Variants in GTF2IRD1 observed in about 807,000 individuals in gnomAD.
GTF2IRD1 encodes general transcription factor II-I repeat domain-containing protein 1.
In GTF2IRD1, 26 loss-of-function variants were observed where a neutral mutation model predicts 113.2. That is an observed-to-expected ratio of 0.23 (90% CI 0.17 to 0.32). GTF2IRD1 has a LOEUF of 0.32. Ranked by LOEUF, GTF2IRD1 falls within the 10% of genes least tolerant of loss-of-function variation. GTF2IRD1 has a pLI of 1.00. For synonymous variants in GTF2IRD1, 484 were observed against 529.1 expected (o/e 0.91, Z 1.17); for missense variants, 864 against 1,280.8 (o/e 0.67, Z 4.97).
At chr7:74,568,415 C>A (rs1198271852) in intron 22 of GTF2IRD1, among the ~76,000 whole-genome samples, 1 of 150,544 alleles carries the variant, frequency 6.6e-6, no homozygotes, top group Non-Finnish European at 1.5e-5. Flanking sequence ...TTGGGAGGCC[C>A]AGGCGGGCAG....
At chr7:74,472,045 A>G (rs1554332543) in intron 1 of GTF2IRD1, among the ~76,000 whole-genome samples, 1 of 152,218 alleles carries the variant, frequency 6.6e-6, no homozygotes, top group East Asian at 1.9e-4. Context: ...TGTATGTCAG[A>G]AAGAATGAAT....
At chr7:74,589,552 C>T (rs1801929133) in intron 22 of GTF2IRD1, among the ~76,000 whole-genome samples, 1 of 151,480 alleles carries the variant, frequency 6.6e-6, no homozygotes, top group Non-Finnish European at 1.5e-5. Flanking sequence ...CAAAAATTAG[C>T]TGGGCATGGT....
intron 1 of GTF2IRD1, among the ~76,000 whole-genome samples, chr7:74,484,933 T>C (rs1191161358): frequency 6.6e-6 from 1 of 152,154 alleles, no homozygotes; most frequent in Non-Finnish European, 1.5e-5. Context: ...ATTAACAACA[T>C]TGCTGTAATG....
intron 21 of GTF2IRD1, 93 bp from the exon 22 acceptor site, chr7:74,559,534 T>C (rs1799817690): frequency 4.4e-6 from 5 of 1,126,994 alleles, no homozygotes; most frequent in Admixed American, 2.3e-5. Context: ...TCTGGGGTGC[T>C]CCCAGGGGAG....
rs1254082564 is a variant in GTF2IRD1 at position 74,512,123 on chromosome 7, G to A, written c.124-707G>A. On this transcript the variant is annotated intron_variant, in intron 2 of 26. Coordinates refer to ENST00000424337, the MANE Select transcript of GTF2IRD1 (RefSeq NM_005685.4). This position sits in a 1 kb window ranked among gnomAD's most constrained non-coding sequence, Gnocchi z 4.4. ...TCCCAGCACTTTGGGAGGCTGAGAC[G>A]GGCAGATCACCTGAGGTCAGGAGTT... 2.0e-5 allele frequency among the ~76,000 whole-genome samples: 3 copies of A among 152,092 alleles called. No homozygotes were observed. The highest frequency in any genetic ancestry group is 4.4e-5 in the Non-Finnish European group (3 of 68,004).
chr7:74,478,418 C>G (rs1260444273), intron 1 of GTF2IRD1, among the ~76,000 whole-genome samples: 3 of 152,160 alleles, frequency 2.0e-5, no homozygotes, highest in African/African-American at 7.2e-5. Context: ...TACCATCACC[C>G]TTTTGCTCAG....
intron 22 of GTF2IRD1, among the ~76,000 whole-genome samples, chr7:74,572,823 T>G (rs1800773589): frequency 6.6e-6 from 1 of 152,140 alleles, no homozygotes; most frequent in African/African-American, 2.4e-5. Flanking sequence ...CTTTGTTAAT[T>G]AGGGTTCAGT....
chr7:74,526,239 T>A (rs587621594), intron 8 of GTF2IRD1, among the ~76,000 whole-genome samples: 1 of 152,352 alleles, frequency 6.6e-6, no homozygotes, highest in African/African-American at 2.4e-5. Flanking sequence ...TGTCAGTTCC[T>A]GAGTCACATC....
At chr7:74,526,323 G>C (rs918914624) in intron 8 of GTF2IRD1, among the ~76,000 whole-genome samples, 2 of 152,180 alleles carry the variant, frequency 1.3e-5, no homozygotes, top group Non-Finnish European at 2.9e-5. Flanking sequence ...GGAGCTGCGT[G>C]GGGGAGAAGG....
intron 1 of GTF2IRD1, among the ~76,000 whole-genome samples, chr7:74,488,748 A>G (rs536477879): frequency 1.5e-4 from 23 of 152,262 alleles, no homozygotes; most frequent in African/African-American, 5.3e-4. Flanking sequence ...CCTGGGTGAC[A>G]GAAGAAAAAA....
chr7:74,589,788 AAGC>A, intron 22 of GTF2IRD1, 60 bp from the exon 23 acceptor site: 1 of 966,968 alleles, frequency 1.0e-6, no homozygotes, highest in South Asian at 1.3e-5. Flanking sequence ...CTGGTGGGAG[AAGC>A]AGCAGGTCCA....
chr7:74,545,312 G>A (rs1264107033), intron 15 of GTF2IRD1, among the ~76,000 whole-genome samples: 3 of 152,052 alleles, frequency 2.0e-5, no homozygotes, highest in Admixed American at 6.6e-5. Flanking sequence ...GAGTGTCAGA[G>A]GAGAGAATTG....
At chr7:74,475,497 G>C (rs1794348658) in intron 1 of GTF2IRD1, among the ~76,000 whole-genome samples, 1 of 152,170 alleles carries the variant, frequency 6.6e-6, no homozygotes, top group African/African-American at 2.4e-5. Flanking sequence ...TGAGACTACA[G>C]GGTTTTGGTG....
chr7:74,569,731 G>GC (rs1800576176), intron 22 of GTF2IRD1, among the ~76,000 whole-genome samples: 2 of 152,210 alleles, frequency 1.3e-5, no homozygotes, highest in Admixed American at 1.3e-4. Flanking sequence ...GGGCAGCTGG[G>GC]CCCCACGATG....
Position 74,504,751 on chromosome 7 carries a change from AGGCTGGAATGCAGT to A in GTF2IRD1, c.-6-3320_-6-3307del, listed in dbSNP as rs574764455. 2.8e-4 allele frequency among the ~76,000 whole-genome samples: 39 copies of A among 140,650 alleles called. 1 individual carries two copies. The South Asian group carries it at 8.1e-3, about 29-fold the overall frequency. 92.3% of individuals were successfully genotyped at this position (140,650 alleles called of 152,430 possible). A position where few individuals can be genotyped will look rare whatever the true frequency, so the allele number is the denominator to read the frequency against. ...TTAATGGAGTGTTGCTCTGTTGCCC[AGGCTGGAATGCAGT>A]GGCGCCATCTCGGCTCACTGCAACC... On this transcript the variant is annotated intron_variant, in intron 1 of 26. Coordinates refer to ENST00000424337, the MANE Select transcript of GTF2IRD1 (RefSeq NM_005685.4).
intron 22 of GTF2IRD1, among the ~76,000 whole-genome samples, chr7:74,568,765 G>A (rs1554361704): frequency 6.6e-6 from 1 of 152,182 alleles, no homozygotes; most frequent in African/African-American, 2.4e-5. Context: ...ACAGGGGAGG[G>A]TGATGAGTCA....
chr7:74,526,957 C>A (rs1236239267), intron 8 of GTF2IRD1, among the ~76,000 whole-genome samples: 4 of 152,066 alleles, frequency 2.6e-5, no homozygotes, highest in African/African-American at 9.7e-5. Context: ...TCAGAGGCAC[C>A]CAAGGGAGGG....
At chr7:74,475,943 G>A (rs1554333441) in intron 1 of GTF2IRD1, among the ~76,000 whole-genome samples, 1 of 152,194 alleles carries the variant, frequency 6.6e-6, no homozygotes, top group Non-Finnish European at 1.5e-5. Flanking sequence ...TTTGGTGTTT[G>A]TGGAATGAAT....
intron 22 of GTF2IRD1, chr7:74,570,991 G>A (rs782711662): frequency 1.5e-5 from 8 of 545,358 alleles, no homozygotes; most frequent in Non-Finnish European, 1.9e-5. Context: ...GGGCAAACAC[G>A]AGGGCTCTCC....
Sources: allele counts gnomAD v4.1 joint callset (sites outside exome capture counted in the v4.1 genomes callset), GRCh38; gene constraint gnomAD v4.1.1; non-coding constraint Gnocchi (gnomAD v3.1); transcripts MANE v1.5; gene names NCBI Gene and HGNC (gene_info 2026-07-23, HGNC 2026-07-21).